The following MEGF6 variants were observed in gnomAD, a reference collection of about 807,000 sequenced individuals.
MEGF6 encodes the protein multiple EGF like domains 6, also known as multiple epidermal growth factor-like domains protein 6.
In MEGF6, 184 loss-of-function variants were observed where a neutral mutation model predicts 207.1. That is an observed-to-expected ratio of 0.89 (90% CI 0.79 to 1.00). The LOEUF (loss-of-function observed/expected upper bound fraction) is 1.00. MEGF6 is among the 50% of genes least tolerant of loss of function. The probability of loss-of-function intolerance (pLI) is 0.00; values close to 1 mark genes in which losing one functional copy is unlikely to be tolerated. For synonymous variants in MEGF6, 1,038 were observed against 910.0 expected, an observed-to-expected ratio of 1.14 and a Z score of -2.53; for missense variants, 2,282 against 2,202.9, an observed-to-expected ratio of 1.04 and a Z score of -0.72.
intron 2 of MEGF6, among the ~76,000 whole-genome samples, chr1:3,598,041 T>G (rs1443585424): frequency 6.6e-6 from 1 of 151,182 alleles, no homozygotes; most frequent in Non-Finnish European, 1.5e-5. Flanking sequence ...ATCGAAGGAG[T>G]AGAAGATGCG....
intron 30 of MEGF6, among the ~76,000 whole-genome samples, chr1:3,495,161 C>T (rs1164359187): frequency 6.6e-6 from 1 of 152,204 alleles, no homozygotes; most frequent in African/African-American, 2.4e-5. Context: ...TGTAGCCCTG[C>T]TGTTACAGCC....
chr1:3,531,090 G>A (rs1046276772), intron 4 of MEGF6: 6 of 1,526,350 alleles, frequency 3.9e-6, no homozygotes, highest in Non-Finnish European at 5.3e-6. Flanking sequence ...CTGGCCTCTG[G>A]TCACCGGCGC....
intron 4 of MEGF6, among the ~76,000 whole-genome samples, chr1:3,550,475 C>T (rs968939762): frequency 6.6e-6 from 1 of 151,796 alleles, no homozygotes; most frequent in Admixed American, 6.5e-5. Context: ...CTGCATAGCA[C>T]GATGAATGCA....
chr1:3,559,522 TAAAA>T (rs59799522), intron 4 of MEGF6, among the ~76,000 whole-genome samples: 26,646 of 105,274 alleles, frequency 0.25, 2,887 homozygotes, highest in Admixed American at 0.3. Context: ...CCTTGTCTCT[TAAAA>T]AAAAAAAAAA....
intron 3 of MEGF6, among the ~76,000 whole-genome samples, chr1:3,591,026 C>T (rs896709927): frequency 6.6e-6 from 1 of 152,154 alleles, no homozygotes; most frequent in South Asian, 2.1e-4. Context: ...CCGTGAGCAG[C>T]CGTGTGTGAC....
Position 3,537,173 on chromosome 1 carries a change from CCCAAGGGGG to C in MEGF6, c.482-12936_482-12928del, listed in dbSNP as rs1642358897. 2.0e-5 allele frequency among the ~76,000 whole-genome samples: 3 copies of C among 152,346 alleles called. No individual in the cohort carries two copies. The South Asian group carries it at 6.2e-4, about 32-fold the overall frequency. ...TGGGGTGAGGGGGCTGCCAGTGGGG[CCCAAGGGGG>C]CCAAGGCCCCAGGCAGCCCAGTGCC... On this transcript the variant is annotated intron_variant, in intron 4 of 36. Transcript: ENST00000356575.
chr1:3,531,597 C>G (rs959078984), intron 4 of MEGF6: 5 of 700,182 alleles, frequency 7.1e-6, no homozygotes, highest in Non-Finnish European at 8.9e-6. Flanking sequence ...GCTCCCGGAC[C>G]CGGACGCAGA....
intron 1 of MEGF6, among the ~76,000 whole-genome samples, chr1:3,604,019 AG>A (rs1475807506): frequency 2.6e-5 from 4 of 152,222 alleles, no homozygotes; most frequent in Admixed American, 2.6e-4. Context: ...GGCAAATGGC[AG>A]GGCCTCACCA....
intron 4 of MEGF6, among the ~76,000 whole-genome samples, chr1:3,559,516 G>GT: frequency 9.8e-6 from 1 of 101,970 alleles, no homozygotes; most frequent in East Asian, 3.1e-4. Flanking sequence ...GCTAGACCTT[G>GT]TCTCTTAAAA....
chr1:3,582,508 C>T (rs1643823823), intron 3 of MEGF6, among the ~76,000 whole-genome samples: 1 of 152,220 alleles, frequency 6.6e-6, no homozygotes, highest in African/African-American at 2.4e-5. Flanking sequence ...GCAGACGCCT[C>T]TTAGCCGGCC....
chr1:3,517,167 C>T (rs1200350780), intron 5 of MEGF6, among the ~76,000 whole-genome samples: 1 of 152,228 alleles, frequency 6.6e-6, no homozygotes, highest in African/African-American at 2.4e-5. Flanking sequence ...GGAAACAGAC[C>T]CCCTCCTGGC....
chr1:3,534,321 A>G (rs1642262248), intron 4 of MEGF6, among the ~76,000 whole-genome samples: 1 of 152,258 alleles, frequency 6.6e-6, no homozygotes, highest in South Asian at 2.1e-4. Flanking sequence ...GTTAAATAAA[A>G]TATACTATTA....
chr1:3,572,287 C>T (rs1643523990), intron 4 of MEGF6, among the ~76,000 whole-genome samples: 2 of 143,028 alleles, frequency 1.4e-5, no homozygotes, highest in South Asian at 2.4e-4. Flanking sequence ...CTGGGTCCTC[C>T]TGGGTGTGCT....
intron 4 of MEGF6, among the ~76,000 whole-genome samples, chr1:3,541,531 G>T (rs546483715): frequency 3.3e-5 from 5 of 152,302 alleles, no homozygotes; most frequent in Non-Finnish European, 5.9e-5. Flanking sequence ...TGGGTGCCAG[G>T]ACCAGGGTCC....
chr1:3,551,376 C>A (rs114945273), intron 4 of MEGF6, among the ~76,000 whole-genome samples: 3 of 152,120 alleles, frequency 2.0e-5, no homozygotes, highest in African/African-American at 7.2e-5. Flanking sequence ...ATGTGGGGAG[C>A]CTCCACCAGG....
chr1:3,595,331 C>T lies in MEGF6; in HGVS notation c.376+7G>A, dbSNP rs752835736. The T allele has an allele frequency of 1.1e-5, 17 of 1,605,770 alleles. No homozygotes were observed. Among genetic ancestry groups the T allele is most frequent in the South Asian group, 7.7e-5 (7 of 90,902 alleles). Reference sequence around the variant, plus strand: ...AGGGAGGGCGGGGAGGCGCAGGCGGCACTCACCCGAGAGGCAGCCCTCCTC... The same window carrying T: ...AGGGAGGGCGGGGAGGCGCAGGCGGTACTCACCCGAGAGGCAGCCCTCCTC... On this transcript the variant is annotated splice_region_variant and intron_variant, in intron 3 of 36. Coordinates refer to ENST00000356575, the MANE Select transcript of MEGF6 (RefSeq NM_001409.4).
intron 35 of MEGF6, among the ~76,000 whole-genome samples, chr1:3,491,968 C>T (rs1284581383): frequency 6.6e-6 from 1 of 151,824 alleles, no homozygotes; most frequent in Non-Finnish European, 1.5e-5. Context: ...CCCCCTGCCG[C>T]ACATGCATGC....
rs140038487 is a variant in MEGF6, at chr1:3,584,445, G to A, written c.377-4516C>T. On this transcript the variant is annotated intron_variant, in intron 3 of 36. Coordinates refer to ENST00000356575, the MANE Select transcript of MEGF6 (RefSeq NM_001409.4). ...TGGGAAGTTGGGGTGACCACCAGGC[G>A]GATCAAGCCTTCCTCTCCTCCTTCC... is the stretch of plus-strand genomic sequence containing the variant. Among the ~76,000 whole-genome samples, 157 of 152,324 alleles carry A rather than the reference G, an allele frequency of 1.0e-3. 3 individuals carry two copies. In the East Asian group the frequency reaches 0.028, roughly 27 times the overall value.
At chr1:3,568,943 C>A (rs996645138) in intron 4 of MEGF6, among the ~76,000 whole-genome samples, 2 of 152,228 alleles carry the variant, frequency 1.3e-5, no homozygotes, top group African/African-American at 4.8e-5. Flanking sequence ...ACATGCCAAA[C>A]CCTCAGTGTG....
Sources: gnomAD v4.1 joint callset for allele counts (sites outside exome capture counted in the v4.1 genomes callset) on GRCh38, gnomAD v4.1.1 for gene constraint, MANE v1.5 for transcripts, NCBI Gene and HGNC (gene_info 2026-07-23, HGNC 2026-07-21) for gene names.